MEIS2: variants seen among roughly 807,000 people sequenced by gnomAD.
MEIS2 encodes homeobox protein Meis2.
Under a neutral mutation model 58.6 loss-of-function variants are expected in MEIS2, and 9 were observed. That is an observed-to-expected ratio of 0.15 (90% confidence interval 0.09 to 0.27). The LOEUF (loss-of-function observed/expected upper bound fraction) is 0.27, where lower values mean the gene tolerates loss of function less well. Ranked by LOEUF, MEIS2 falls within the 10% of genes least tolerant of loss-of-function variation. The pLI is 1.00. For missense variants in MEIS2, 427 were observed against 635.0 expected (o/e 0.67, Z 3.52); for synonymous variants, 221 against 228.4 (o/e 0.97, Z 0.29).
At chr15:36,924,718 C>T (rs1428644241) in intron 9 of MEIS2, among the ~76,000 whole-genome samples, 1 of 152,176 alleles carries the variant, frequency 6.6e-6, no homozygotes, top group Admixed American at 6.5e-5. Flanking sequence ...AATCCCTGCA[C>T]AATTCTGGAC....
At chr15:37,031,813 CTTTGTGTGTGTGTG>C (rs966842238) in intron 8 of MEIS2, among the ~76,000 whole-genome samples, 8 of 106,616 alleles carry the variant, frequency 7.5e-5, no homozygotes, top group African/African-American at 2.7e-4. Flanking sequence ...TATTACATCA[CTTTGTGTGTGTGTG>C]TGTGTGTGTG....
chr15:36,975,085 G>A (rs994804408), intron 8 of MEIS2, among the ~76,000 whole-genome samples: 3 of 152,112 alleles, frequency 2.0e-5, no homozygotes, highest in African/African-American at 4.8e-5. Context: ...ATATAGCCAC[G>A]TTACTTATCA....
At chr15:36,945,557 C>A (rs2058534009) in intron 9 of MEIS2, among the ~76,000 whole-genome samples, 1 of 152,002 alleles carries the variant, frequency 6.6e-6, no homozygotes, top group Admixed American at 6.6e-5. Flanking sequence ...TTTCTCTCGG[C>A]ACAGTCCTTT....
Position 37,030,882 on chromosome 15 carries a change from C to T in MEIS2, c.900+5932G>A, listed in dbSNP as rs562442736. 2.6e-3 allele frequency among the ~76,000 whole-genome samples: 391 copies of T among 152,098 alleles called. 4 individuals carry two copies. Among genetic ancestry groups the T allele is most frequent in the African/African-American group, 9.2e-3 (380 of 41,470 alleles). ...CTCAAACTCCTGAGCTTCAGGCATT[C>T]CTCCCACCTCAGCCTCCCAAAGTGT... On this transcript the variant is annotated intron_variant, in intron 8 of 11. Transcript: ENST00000561208.
chr15:36,930,202 TAAA>T (rs370695754), intron 9 of MEIS2, among the ~76,000 whole-genome samples: 2 of 94,322 alleles, frequency 2.1e-5, no homozygotes. Context: ...GACTCAGTCT[TAAA>T]AAAAAAAAAA....
chr15:36,932,903 T>G (rs767333918), intron 9 of MEIS2, among the ~76,000 whole-genome samples: 1 of 152,188 alleles, frequency 6.6e-6, no homozygotes, highest in Non-Finnish European at 1.5e-5. Context: ...AAGAGATTAT[T>G]CAAAATTTGG....
At chr15:37,014,658 C>T (rs372648794) in intron 8 of MEIS2, among the ~76,000 whole-genome samples, 6 of 152,134 alleles carry the variant, frequency 3.9e-5, no homozygotes, top group African/African-American at 1.4e-4. Context: ...CCTGGACCAT[C>T]CAATCAGAAG....
At chr15:37,021,716 T>C (rs1158984755) in intron 8 of MEIS2, among the ~76,000 whole-genome samples, 1 of 152,178 alleles carries the variant, frequency 6.6e-6, no homozygotes, top group Non-Finnish European at 1.5e-5. Context: ...TTTATTAAAA[T>C]AAAATTTATT....
chr15:37,077,625 A>G (rs1031021191), intron 7 of MEIS2, among the ~76,000 whole-genome samples: 1 of 152,100 alleles, frequency 6.6e-6, no homozygotes, highest in Non-Finnish European at 1.5e-5. Context: ...TGCTACAGAA[A>G]GAGCCATTTG....
intron 8 of MEIS2, among the ~76,000 whole-genome samples, chr15:36,985,099 T>C (rs533079578): frequency 6.6e-6 from 1 of 152,310 alleles, no homozygotes; most frequent in South Asian, 2.1e-4. Context: ...TCTTATACTC[T>C]TGACTATCAC....
At chr15:36,917,024 C>T (rs1179460921) in intron 9 of MEIS2, among the ~76,000 whole-genome samples, 3 of 152,166 alleles carry the variant, frequency 2.0e-5, no homozygotes, top group East Asian at 1.9e-4. Context: ...CACACATACA[C>T]GCATGCGTGC....
intron 8 of MEIS2, among the ~76,000 whole-genome samples, chr15:37,005,453 C>T (rs998675029): frequency 6.6e-6 from 1 of 152,198 alleles, no homozygotes; most frequent in Non-Finnish European, 1.5e-5. Context: ...GGCAGCAACA[C>T]CTCCCTCCAG....
In MEIS2 at chr15:37,044,970, G is replaced by A. The variant is rs150531853; in HGVS notation, c.755-8011C>T. 7.5e-3 allele frequency among the ~76,000 whole-genome samples: 1,136 copies of A among 152,196 alleles called. 8 individuals carry two copies. Among genetic ancestry groups the A allele is most frequent in the African/African-American group, 0.025 (1,058 of 41,518 alleles). The stretch of plus-strand genomic sequence containing the variant: ...AGAACAAATCTGCTTTGAAGAAAGC[G>A]CCCAGGAAAGAGATTCCCTGGCTTC... On this transcript the variant is annotated intron_variant, in intron 7 of 11. Transcript: ENST00000561208.
chr15:36,983,798 T>C lies in MEIS2; in HGVS notation c.901-33398A>G, dbSNP rs1014308343. Among the ~76,000 whole-genome samples the C allele has an allele frequency of 5.9e-5, 9 of 152,280 alleles. No homozygotes were observed. In the East Asian group the frequency reaches 7.7e-4, roughly 13 times the overall value. ...TGAACACAGTATATCTTCCCATTTA[T>C]TTGTGATTTTGTCAACTTCTTTCAT... On this transcript the variant is annotated intron_variant, in intron 8 of 11. Coordinates refer to ENST00000561208, the MANE Select transcript of MEIS2 (RefSeq NM_170675.5).
chr15:37,006,079 A>G (rs780708941), intron 8 of MEIS2, among the ~76,000 whole-genome samples: 2 of 152,190 alleles, frequency 1.3e-5, no homozygotes, highest in Non-Finnish European at 2.9e-5. Context: ...CCCTTGTTCT[A>G]AGTATTTGTT....
Position 37,078,978 on chromosome 15 carries a change from C to T in MEIS2, c.754+4793G>A, listed in dbSNP as rs185036659. ...GAAACCTTTTAAGCATTTATGGGCA[C>T]CATTACATGCTCCTAGAGCATTTAT... On this transcript the variant is annotated intron_variant, in intron 7 of 11. Transcript: ENST00000561208. Among the ~76,000 whole-genome samples the T allele has an allele frequency of 3.0e-4, 46 of 152,164 alleles. No individual in the cohort carries two copies. In the Middle Eastern group the frequency reaches 0.01, roughly 34 times the overall value.
Position 36,889,400 on chromosome 15 carries a change from T to C in MEIS2, c.*2773A>G, listed in dbSNP as rs1385780129. ...TTCCGGGGTGGTGTAAAAAAAGCATTATAAAAATTGGACAAATCTATCACT... is the reference window on the plus strand; with the variant it reads ...TTCCGGGGTGGTGTAAAAAAAGCATCATAAAAATTGGACAAATCTATCACT... On this transcript the variant is annotated 3_prime_UTR_variant, in exon 12 of 12. Transcript: ENST00000561208. The C allele has an allele frequency of 6.6e-6, 1 of 151,994 alleles. No homozygotes were observed. Among genetic ancestry groups the C allele is most frequent in the African/African-American group, 2.4e-5 (1 of 41,362 alleles). The allele number at this position is 151,994 out of a possible 1,614,324, so 9.4% of individuals were successfully genotyped here.
chr15:37,097,304 G>C (rs1430361129), intron 2 of MEIS2: 1 of 152,186 alleles, frequency 6.6e-6, no homozygotes, highest in Non-Finnish European at 1.5e-5. Flanking sequence ...GTACACGTTA[G>C]GATCGTGCAT....
chr15:37,099,241 C>G (rs1894794793), intron 1 of MEIS2: 1 of 1,434,514 alleles, frequency 7.0e-7, no homozygotes, highest in Admixed American at 2.8e-5. Flanking sequence ...CACGCGCGCC[C>G]AGACACGCAC....
Sources: gnomAD v4.1 joint callset for allele counts (sites outside exome capture counted in the v4.1 genomes callset) on GRCh38, gnomAD v4.1.1 for gene constraint, MANE v1.5 for transcripts, NCBI Gene and HGNC (gene_info 2026-07-23, HGNC 2026-07-21) for gene names.